Variants in SHISA6 observed in about 807,000 individuals in gnomAD.
SHISA6 encodes the protein protein shisa-6.
A neutral mutation model predicts 47.9 loss-of-function variants in SHISA6; 22 were observed. That is an observed-to-expected ratio of 0.46 (90% CI 0.33 to 0.66). The LOEUF (loss-of-function observed/expected upper bound fraction) is 0.66, where lower values mean the gene tolerates loss of function less well. Among genes scored for constraint, SHISA6 ranks in the 30% least tolerant of loss-of-function variants. The pLI, the probability that SHISA6 is intolerant of heterozygous loss-of-function variation, is 0.02. For synonymous variants in SHISA6, 388 were observed against 337.8 expected (o/e 1.15, Z -1.63); for missense variants, 680 against 764.6 (o/e 0.89, Z 1.30).
intron 2 of SHISA6, among the ~76,000 whole-genome samples, chr17:11,307,569 C>T (rs1910168553): frequency 6.6e-6 from 1 of 152,182 alleles, no homozygotes; most frequent in Non-Finnish European, 1.5e-5. Flanking sequence ...CCACACCTAA[C>T]AGCAAGGGAG....
At chr17:11,374,987 A>G (rs1912749676) in intron 2 of SHISA6, among the ~76,000 whole-genome samples, 1 of 152,032 alleles carries the variant, frequency 6.6e-6, no homozygotes, top group Non-Finnish European at 1.5e-5. Context: ...ATACTGTCCC[A>G]CCTCTACAAA....
chr17:11,405,530 G>A (rs192627895), intron 3 of SHISA6, among the ~76,000 whole-genome samples: 5 of 152,214 alleles, frequency 3.3e-5, no homozygotes, highest in South Asian at 2.1e-4. Context: ...TGGGCCAGGC[G>A]CAGTGGCTCA....
intron 2 of SHISA6, among the ~76,000 whole-genome samples, chr17:11,368,931 A>G (rs1054593277): frequency 6.6e-6 from 1 of 152,222 alleles, no homozygotes; most frequent in African/African-American, 2.4e-5. Flanking sequence ...CTGGGATTAC[A>G]GGCATGGGCC....
chr17:11,514,663 C>G (rs2071567914), intron 3 of SHISA6, among the ~76,000 whole-genome samples: 1 of 152,234 alleles, frequency 6.6e-6, no homozygotes, highest in African/African-American at 2.4e-5. Context: ...TCTTATGTGG[C>G]TGAAGCCCAG....
At chr17:11,337,138 C>G (rs540426396) in intron 2 of SHISA6, among the ~76,000 whole-genome samples, 1 of 152,226 alleles carries the variant, frequency 6.6e-6, no homozygotes, top group South Asian at 2.1e-4. Flanking sequence ...TAGGTTTTCC[C>G]AACAGCAGAG....
chr17:11,468,806 A>G (rs1915868228), intron 3 of SHISA6, among the ~76,000 whole-genome samples: 1 of 151,986 alleles, frequency 6.6e-6, no homozygotes. Flanking sequence ...GGATCACTTG[A>G]GGTCAGGAGT....
chr17:11,502,185 G>A (rs1056940163), intron 3 of SHISA6, among the ~76,000 whole-genome samples: 8 of 151,782 alleles, frequency 5.3e-5, no homozygotes, highest in Middle Eastern at 3.4e-3. Context: ...CGAGGCGGGC[G>A]GATCACGAGG....
chr17:11,441,331 C>A (rs2142297553), intron 3 of SHISA6, among the ~76,000 whole-genome samples: 1 of 152,314 alleles, frequency 6.6e-6, no homozygotes, highest in Admixed American at 6.5e-5. Context: ...GAATCTGCTT[C>A]ATTTTTAAGG....
At chr17:11,273,078 T>C (rs1417894341) in intron 2 of SHISA6, among the ~76,000 whole-genome samples, 1 of 152,254 alleles carries the variant, frequency 6.6e-6, no homozygotes, top group Non-Finnish European at 1.5e-5. Flanking sequence ...ATGCTTTCCA[T>C]GGACTGACCT....
chr17:11,556,860 T>C (rs1488081602), intron 5 of SHISA6, among the ~76,000 whole-genome samples: 1 of 152,114 alleles, frequency 6.6e-6, no homozygotes, highest in African/African-American at 2.4e-5. Flanking sequence ...TTCTGAAATT[T>C]GGGGCAATGC....
chr17:11,444,483 G>C (rs1361191562), intron 3 of SHISA6, among the ~76,000 whole-genome samples: 1 of 152,152 alleles, frequency 6.6e-6, no homozygotes, highest in African/African-American at 2.4e-5. Context: ...AATGAGACCA[G>C]GGTCCACCAG....
chr17:11,372,913 AC>A (rs1473680634), intron 2 of SHISA6, among the ~76,000 whole-genome samples: 1 of 151,754 alleles, frequency 6.6e-6, no homozygotes, highest in African/African-American at 2.4e-5. Flanking sequence ...TTGCTCCCCC[AC>A]CCCTCAAGCT....
chr17:11,241,421 C>T lies in SHISA6; in HGVS notation c.-2C>T. On this transcript the variant is annotated 5_prime_UTR_variant, in exon 1 of 6. Transcript: ENST00000441885. The surrounding 1 kb of genome is among the most constrained non-coding windows in gnomAD (Gnocchi z 5.5). ...CCCCGCGCCCTCCCGCCCGGCCCCG[C>T]CATGGCGCTGCGGCGCCTCCTGCTG... The T allele has an allele frequency of 8.6e-7, 1 of 1,156,490 alleles. No individual in the cohort carries two copies. 71.6% of individuals were successfully genotyped at this position (1,156,490 alleles called of 1,614,324 possible). A position where few individuals can be genotyped will look rare whatever the true frequency, so the allele number is the denominator to read the frequency against.
At chr17:11,453,035 T>C (rs1000129601) in intron 3 of SHISA6, among the ~76,000 whole-genome samples, 1 of 150,428 alleles carries the variant, frequency 6.6e-6, no homozygotes, top group African/African-American at 2.4e-5. Context: ...TTTGGAAACA[T>C]TCCTCAGCTT....
chr17:11,463,913 G>GT (rs542459275), intron 3 of SHISA6, among the ~76,000 whole-genome samples: 9 of 151,928 alleles, frequency 5.9e-5, no homozygotes, highest in Middle Eastern at 3.4e-3. Flanking sequence ...TGTGCAGAAG[G>GT]TTTTTTTTGT....
At chr17:11,258,318 C>T (rs1254910988) in intron 1 of SHISA6, among the ~76,000 whole-genome samples, 1 of 152,158 alleles carries the variant, frequency 6.6e-6, no homozygotes, top group Non-Finnish European at 1.5e-5. Flanking sequence ...CTCAGAAATC[C>T]AGAGACGTGG....
intron 2 of SHISA6, among the ~76,000 whole-genome samples, chr17:11,292,809 G>A (rs1290712966): frequency 1.3e-5 from 2 of 150,740 alleles, no homozygotes; most frequent in Non-Finnish European, 3.0e-5. Context: ...TCAAGCAGGA[G>A]CCACAATCAG....
Position 11,285,837 on chromosome 17 carries a change from C to CTTT in SHISA6, c.799+22326_799+22328dup, listed in dbSNP as rs111973369. On this transcript the variant is annotated intron_variant, in intron 2 of 5. Coordinates refer to ENST00000441885, the MANE Select transcript of SHISA6 (RefSeq NM_207386.4). ...TGTGGCTCTGTGTCTCTCTCTCTCT[C>CTTT]TTTTTTTTTTTTTTTTTGAGATGGA... Among the ~76,000 whole-genome samples, 431 of 140,764 alleles carry CTTT rather than the reference C, an allele frequency of 3.1e-3. 4 individuals are homozygous for CTTT. Among genetic ancestry groups the CTTT allele is most frequent in the African/African-American group, 0.011 (419 of 38,112 alleles). 92.3% of individuals were successfully genotyped at this position (140,764 alleles called of 152,430 possible).
chr17:11,417,485 G>A (rs1052122405), intron 3 of SHISA6, among the ~76,000 whole-genome samples: 1 of 152,194 alleles, frequency 6.6e-6, no homozygotes, highest in African/African-American at 2.4e-5. Context: ...GCCTCACCCT[G>A]GGGTTCTGAC....
Sources: gnomAD v4.1 joint callset for allele counts (sites outside exome capture counted in the v4.1 genomes callset) on GRCh38, gnomAD v4.1.1 for gene constraint, Gnocchi (gnomAD v3.1) non-coding constraint, MANE v1.5 for transcripts, NCBI Gene and HGNC (gene_info 2026-07-23, HGNC 2026-07-21) for gene names.